The following FARP1 variants were observed in gnomAD, a reference collection of about 807,000 sequenced individuals.
FARP1 encodes the protein FERM, ARHGEF and pleckstrin domain-containing protein 1.
In FARP1, 52 loss-of-function variants were observed where a neutral mutation model predicts 128.8. The ratio of observed to expected loss-of-function variants is 0.40; its 90% CI spans 0.32 to 0.51. The LOEUF is 0.51. Ranked by LOEUF, FARP1 falls within the 20% of genes least tolerant of loss-of-function variation. The pLI is 0.45. For synonymous variants in FARP1, 580 were observed against 551.8 expected, an observed-to-expected ratio of 1.05 and a Z score of -0.72; for missense variants, 1,333 against 1,367.9, an observed-to-expected ratio of 0.97 and a Z score of 0.40.
At position 98,267,348 on chromosome 13, in the gene FARP1, C is replaced by T. The variant is rs537209232; in HGVS notation, c.171+53935C>T. ...GTTATTGGCTGGATGTGGAAAGGGC[C>T]GGTTGTGTCGGCCGAGCCCATTTTC... On this transcript the variant is annotated intron_variant, in intron 2 of 26. Coordinates refer to ENST00000319562, the MANE Select transcript of FARP1 (RefSeq NM_005766.4). 2.6e-5 allele frequency among the ~76,000 whole-genome samples: 4 copies of T among 152,252 alleles called. No homozygotes were observed. The East Asian group carries it at 5.8e-4, about 22-fold the overall frequency.
Position 98,176,894 on chromosome 13 carries a change from C to G in FARP1, c.-24+33402C>G, listed in dbSNP as rs1268117036. ...TGGTGCTCCTTCTCGGTGTCCTGCT[C>G]GAAGTCAGCGGTGGCCCCCATGTCC... On this transcript the variant is annotated intron_variant, in intron 1 of 26. Transcript: ENST00000319562. The surrounding 1 kb of genome is among the most constrained non-coding windows in gnomAD (Gnocchi z 6.2). 6.2e-7 allele frequency: 1 copy of G among 1,606,122 alleles called. No homozygotes were observed. Among genetic ancestry groups the G allele is most frequent in the Non-Finnish European group, 8.5e-7 (1 of 1,179,926 alleles).
At chr13:98,326,197 G>A (rs1887226359) in intron 2 of FARP1, among the ~76,000 whole-genome samples, 1 of 152,164 alleles carries the variant, frequency 6.6e-6, no homozygotes, top group Admixed American at 6.5e-5. Context: ...TTTTGTGTTT[G>A]TCTTCCAAGC....
At chr13:98,209,064 A>G (rs935357589) in intron 1 of FARP1, among the ~76,000 whole-genome samples, 3 of 152,204 alleles carry the variant, frequency 2.0e-5, no homozygotes, top group South Asian at 2.1e-4. Flanking sequence ...GCTGGAGTGC[A>G]GTGGCACGAT....
At chr13:98,287,756 C>T (rs139755116) in intron 2 of FARP1, among the ~76,000 whole-genome samples, 5 of 149,942 alleles carry the variant, frequency 3.3e-5, no homozygotes, top group Non-Finnish European at 5.9e-5. Flanking sequence ...TGTGCTGTGC[C>T]GTTTGACAGC....
chr13:98,321,159 G>C (rs1287893779), intron 2 of FARP1, among the ~76,000 whole-genome samples: 1 of 152,194 alleles, frequency 6.6e-6, no homozygotes, highest in Non-Finnish European at 1.5e-5. Context: ...AGGACTCTTG[G>C]TCTTTCCAGA....
chr13:98,452,514 A>C lies in FARP1; in HGVS notation c.*4197A>C, dbSNP rs1893248951. 6.6e-6 allele frequency: 1 copy of C among 152,650 alleles called. No homozygotes were observed. The allele number at this position is 152,650 out of a possible 1,614,324, so 9.5% of individuals were successfully genotyped here. A position where few individuals can be genotyped will look rare whatever the true frequency, so the allele number is the denominator to read the frequency against. On this transcript the variant is annotated 3_prime_UTR_variant, in exon 27 of 27. Transcript: ENST00000319562. The stretch of plus-strand genomic sequence containing the variant: ...TACAAATAGGAGTGTTCTGTAAGAG[A>C]GGGGCATTAATTATTAATGACAAAC...
In FARP1 at chr13:98,449,763, A is replaced by AAAAC. The variant is rs1893097358; in HGVS notation, c.*1449_*1452dup. ...ATCCAGCATATTGATGTTTTAAGGC[A>AAAAC]AAACAACCAACTTTGTCTGTAGTCT... On this transcript the variant is annotated 3_prime_UTR_variant, in exon 27 of 27. Transcript: ENST00000319562. 6.6e-6 allele frequency: 1 copy of AAAAC among 151,990 alleles called. No individual in the cohort carries two copies. The highest frequency in any genetic ancestry group is 6.6e-5 in the Admixed American group (1 of 15,214). 9.4% of individuals were successfully genotyped at this position (151,990 alleles called of 1,614,324 possible).
chr13:98,309,113 T>C (rs1886323038), intron 2 of FARP1, among the ~76,000 whole-genome samples: 1 of 150,420 alleles, frequency 6.6e-6, no homozygotes, highest in Non-Finnish European at 1.5e-5. Flanking sequence ...TTTGGACCTA[T>C]TAGATTACAT....
At chr13:98,327,370 C>T (rs1428634858) in intron 2 of FARP1, among the ~76,000 whole-genome samples, 2 of 152,110 alleles carry the variant, frequency 1.3e-5, no homozygotes, top group Non-Finnish European at 2.9e-5. Flanking sequence ...AATTTTCAAA[C>T]AGCTAACTTT....
intron 2 of FARP1, among the ~76,000 whole-genome samples, chr13:98,288,693 C>T (rs2139655937): frequency 6.6e-6 from 1 of 152,280 alleles, no homozygotes; most frequent in African/African-American, 2.4e-5. Flanking sequence ...TTAGTGGTGC[C>T]TACAGACGGA....
chr13:98,370,935 G>A (rs916460279), intron 5 of FARP1, among the ~76,000 whole-genome samples: 3 of 152,290 alleles, frequency 2.0e-5, no homozygotes, highest in South Asian at 2.1e-4. Flanking sequence ...CTGCTAAGCC[G>A]GGTCTGCACA....
Position 98,454,204 on chromosome 13 carries a change from CAA to C in FARP1, c.*5889_*5890del, listed in dbSNP as rs2139234226. On this transcript the variant is annotated 3_prime_UTR_variant, in exon 27 of 27. Coordinates refer to ENST00000319562, the MANE Select transcript of FARP1 (RefSeq NM_005766.4). The stretch of plus-strand genomic sequence containing the variant: ...GTATGACAACAGAAGGCAATGCACC[CAA>C]AGATGCTGATGAGATTTGGGCTACA... The C allele has an allele frequency of 6.6e-6, 1 of 152,252 alleles. No homozygotes were observed. Among genetic ancestry groups the C allele is most frequent in the African/African-American group, 2.4e-5 (1 of 41,528 alleles). The allele number at this position is 152,252 out of a possible 1,614,324, so 9.4% of individuals were successfully genotyped here.
At chr13:98,247,223 C>T (rs1215983853) in intron 2 of FARP1, among the ~76,000 whole-genome samples, 4 of 152,094 alleles carry the variant, frequency 2.6e-5, no homozygotes, top group Non-Finnish European at 4.4e-5. Flanking sequence ...GACTGGGTGG[C>T]GGTGAGACTC....
chr13:98,376,759 G>GTTTTTTTTTT (rs34686053), intron 5 of FARP1, among the ~76,000 whole-genome samples: 2 of 103,448 alleles, frequency 1.9e-5, no homozygotes, highest in Non-Finnish European at 1.9e-5. Context: ...GGTTTTTTGT[G>GTTTTTTTTTT]TTTTTTTTTT....
chr13:98,209,188 T>G (rs1880498334), intron 1 of FARP1, among the ~76,000 whole-genome samples: 1 of 152,012 alleles, frequency 6.6e-6, no homozygotes, highest in Non-Finnish European at 1.5e-5. Context: ...TTTTGTATTT[T>G]TAGTAGAGAC....
At chr13:98,219,833 T>A (rs1341871941) in intron 2 of FARP1, among the ~76,000 whole-genome samples, 1 of 150,282 alleles carries the variant, frequency 6.7e-6, no homozygotes, top group African/African-American at 2.4e-5. Context: ...ACCTAGCTAT[T>A]TTTTTTTTAC....
intron 1 of FARP1, among the ~76,000 whole-genome samples, chr13:98,182,077 TA>T (rs61653439): frequency 1.1e-4 from 17 of 148,048 alleles, no homozygotes; most frequent in Admixed American, 1.3e-4. Flanking sequence ...CTTTGAAAGC[TA>T]AAAAAAAAAT....
chr13:98,184,351 C>T (rs189932465), intron 1 of FARP1, among the ~76,000 whole-genome samples: 2 of 152,298 alleles, frequency 1.3e-5, no homozygotes, highest in East Asian at 3.9e-4. Flanking sequence ...CTCGTGACTT[C>T]AGGTGATCCA....
At chr13:98,249,284 T>C (rs1377983127) in intron 2 of FARP1, among the ~76,000 whole-genome samples, 2 of 152,224 alleles carry the variant, frequency 1.3e-5, no homozygotes, top group African/African-American at 4.8e-5. Context: ...ATTATTTTAC[T>C]GTTACAACTT....
Sources: gnomAD v4.1 joint callset for allele counts (sites outside exome capture counted in the v4.1 genomes callset) on GRCh38, gnomAD v4.1.1 for gene constraint, Gnocchi (gnomAD v3.1) non-coding constraint, MANE v1.5 for transcripts, NCBI Gene and HGNC (gene_info 2026-07-23, HGNC 2026-07-21) for gene names.